The following MICU3 variants were observed in gnomAD, a reference collection of about 807,000 sequenced individuals.
MICU3 encodes the protein calcium uptake protein 3, mitochondrial.
Under a neutral mutation model 66.5 loss-of-function variants are expected in MICU3, and 62 were observed. That is an observed-to-expected ratio of 0.93 (90% CI 0.76 to 1.15). The LOEUF is 1.15. Ranked by LOEUF, MICU3 falls within the 50% of genes most tolerant of loss-of-function variation. The pLI, the probability that MICU3 is intolerant of heterozygous loss-of-function variation, is 0.00. For missense variants in MICU3, 779 were observed against 664.4 expected, an observed-to-expected ratio of 1.17 and a Z score of -1.90; for synonymous variants, 308 against 240.7, an observed-to-expected ratio of 1.28 and a Z score of -2.59.
intron 3 of MICU3, among the ~76,000 whole-genome samples, chr8:17,070,955 A>T (rs2150674755): frequency 6.6e-6 from 1 of 152,286 alleles, no homozygotes; most frequent in East Asian, 1.9e-4. Flanking sequence ...TAAAGGGATG[A>T]TTCACATCCT....
At chr8:17,029,329 A>T (rs570073986) in intron 1 of MICU3, among the ~76,000 whole-genome samples, 1 of 152,310 alleles carries the variant, frequency 6.6e-6, no homozygotes, top group Admixed American at 6.5e-5. Context: ...TACAAAAATC[A>T]GCCGGGTGTG....
chr8:17,134,517 T>C, the MICU3 span, among the ~76,000 whole-genome samples: 1 of 152,104 alleles, frequency 6.6e-6, no homozygotes, highest in Non-Finnish European at 1.5e-5. Flanking sequence ...TGATCTCTGC[T>C]CCCTGCAAGC....
At chr8:17,043,759 G>A (rs1814609017) in intron 1 of MICU3, among the ~76,000 whole-genome samples, 1 of 152,188 alleles carries the variant, frequency 6.6e-6, no homozygotes, top group Non-Finnish European at 1.5e-5. Flanking sequence ...CTTTGTTGAT[G>A]AACATAAAAG....
At chr8:17,106,809 A>G (rs1801782619) in intron 11 of MICU3, among the ~76,000 whole-genome samples, 1 of 151,414 alleles carries the variant, frequency 6.6e-6, no homozygotes. Context: ...ATATTTTAGA[A>G]TAGTGGAAGC....
intron 1 of MICU3, among the ~76,000 whole-genome samples, chr8:17,041,317 A>G (rs1324799587): frequency 6.6e-6 from 1 of 152,112 alleles, no homozygotes; most frequent in East Asian, 1.9e-4. Flanking sequence ...AAAAAAGGTA[A>G]TACTATATTT....
chr8:17,117,310 T>G (rs1429955400), intron 13 of MICU3, among the ~76,000 whole-genome samples: 1 of 152,166 alleles, frequency 6.6e-6, no homozygotes, highest in African/African-American at 2.4e-5. Flanking sequence ...ACAGATTTCC[T>G]CTAGGTAACT....
In MICU3 at chr8:17,122,245, G is replaced by T. The variant is rs988378971; in HGVS notation, c.*1958G>T. 1.3e-5 allele frequency: 2 copies of T among 151,754 alleles called. No homozygotes were observed. The highest frequency in any genetic ancestry group is 1.5e-5 in the Non-Finnish European group (1 of 67,746). 9.4% of individuals were successfully genotyped at this position (151,754 alleles called of 1,614,324 possible). On this transcript the variant is annotated 3_prime_UTR_variant, in exon 15 of 15. Transcript: ENST00000318063. The stretch of plus-strand genomic sequence containing the variant: ...ATGTTCTGATAAAATAGAAAAGAAA[G>T]TAAATTACAGTGATTTCCATCATAT...
At chr8:17,056,565 A>C (rs544420286) in intron 1 of MICU3, among the ~76,000 whole-genome samples, 1 of 152,348 alleles carries the variant, frequency 6.6e-6, no homozygotes, top group East Asian at 1.9e-4. Context: ...ACAAATACGT[A>C]AACAGATAAT....
At position 17,084,841 on chromosome 8, in the gene MICU3, T is replaced by A. The variant is rs185761941; in HGVS notation, c.695-395T>A. Among the ~76,000 whole-genome samples, 251 of 152,248 alleles carry A rather than the reference T, an allele frequency of 1.6e-3. 2 individuals carry two copies. Among genetic ancestry groups the A allele is most frequent in the Non-Finnish European group, 2.2e-3 (153 of 68,006 alleles). The stretch of plus-strand genomic sequence containing the variant: ...TTATTTTCATAGGTCATTTTAGTTA[T>A]AATTTTCCCAAGAATCGGAACTAGT... On this transcript the variant is annotated intron_variant, in intron 5 of 14. Transcript: ENST00000318063.
chr8:17,116,693 T>A, intron 13 of MICU3, 93 bp downstream of exon 13: 2 of 984,208 alleles, frequency 2.0e-6, no homozygotes, highest in Non-Finnish European at 2.9e-6. Context: ...TCTTAATTTC[T>A]TAAGGATATA....
chr8:17,136,842 T>G, the MICU3 span, among the ~76,000 whole-genome samples: 5 of 151,518 alleles, frequency 3.3e-5, no homozygotes, highest in African/African-American at 1.2e-4. Context: ...TAAACCTTTT[T>G]TTTTTTTTTT....
intron 9 of MICU3, among the ~76,000 whole-genome samples, chr8:17,101,820 C>T (rs1463556806): frequency 6.6e-6 from 1 of 151,600 alleles, no homozygotes; most frequent in African/African-American, 2.4e-5. Context: ...ATCTTTTTTT[C>T]ATTAAGATTC....
intron 5 of MICU3, among the ~76,000 whole-genome samples, chr8:17,084,556 TGAA>T (rs970979690): frequency 1.5e-4 from 23 of 152,216 alleles, no homozygotes; most frequent in Non-Finnish European, 1.5e-4. Context: ...AGCTGCTCTT[TGAA>T]GGACACTTTC....
chr8:17,121,020 T>G lies in MICU3; in HGVS notation c.*733T>G, dbSNP rs1803157766. 1 of 151,898 alleles carries G rather than the reference T, an allele frequency of 6.6e-6. No individual in the cohort carries two copies. The highest frequency in any genetic ancestry group is 1.5e-5 in the Non-Finnish European group (1 of 67,824). The allele number at this position is 151,898 out of a possible 1,614,324, so 9.4% of individuals were successfully genotyped here. ...TGTAGAATTTTCCTCCCCCAAAAAGTCATGTGTTGATAGTAGAAGCAGTGG... is the reference window on the plus strand; with the variant it reads ...TGTAGAATTTTCCTCCCCCAAAAAGGCATGTGTTGATAGTAGAAGCAGTGG... On this transcript the variant is annotated 3_prime_UTR_variant, in exon 15 of 15. Coordinates refer to ENST00000318063, the MANE Select transcript of MICU3 (RefSeq NM_181723.3).
Position 17,064,090 on chromosome 8 carries a change from A to T in MICU3, c.388A>T (p.Ile130Phe). ...PVAAAKETVAIGRTDIEDLDL... is the reference protein window; with the variant it reads ...PVAAAKETVAFGRTDIEDLDL... ...TTTGCTTTCTTAACTTTAGGTTGCT[A>T]TTGGCAGAACAGACATTGAAGACTT... The change falls in exon 2 of 15, where the codon ATT becomes TTT. Residue 130 changes from isoleucine (I) to phenylalanine (F), a missense_variant. Ile to Phe is a conservative substitution (Grantham distance 21). Coordinates refer to ENST00000318063, the MANE Select transcript of MICU3 (RefSeq NM_181723.3). 1 of 1,608,826 alleles carries T rather than the reference A, an allele frequency of 6.2e-7. No homozygotes were observed. Among genetic ancestry groups the T allele is most frequent in the Middle Eastern group, 1.7e-4 (1 of 6,042 alleles).
chr8:17,072,635 T>G (rs192011664), intron 3 of MICU3, among the ~76,000 whole-genome samples: 1 of 152,222 alleles, frequency 6.6e-6, no homozygotes, highest in East Asian at 1.9e-4. Flanking sequence ...TGCAGTCACG[T>G]AGAACCCCTT....
chr8:17,082,843 T>C (rs536499484), intron 5 of MICU3, among the ~76,000 whole-genome samples: 2 of 152,278 alleles, frequency 1.3e-5, no homozygotes, highest in East Asian at 3.9e-4. Context: ...TAACATTGAG[T>C]TCTGTTACAG....
downstream of MICU3, among the ~76,000 whole-genome samples, chr8:17,122,804 G>T (rs1272485833): frequency 6.6e-6 from 1 of 151,950 alleles, no homozygotes; most frequent in Non-Finnish European, 1.5e-5. Context: ...CAACACCTTT[G>T]TGGGTAGGTA....
At chr8:17,110,745 G>C (rs936741712) in intron 11 of MICU3, among the ~76,000 whole-genome samples, 1 of 151,560 alleles carries the variant, frequency 6.6e-6, no homozygotes, top group Non-Finnish European at 1.5e-5. Flanking sequence ...TTGGGGAGGG[G>C]GGGGTAGAGA....
Sources: gnomAD v4.1 joint callset for allele counts (sites outside exome capture counted in the v4.1 genomes callset) on GRCh38, gnomAD v4.1.1 for gene constraint, MANE v1.5 for transcripts, NCBI Gene and HGNC (gene_info 2026-07-23, HGNC 2026-07-21) for gene names.